KCNQ2: variants seen among roughly 807,000 people sequenced by gnomAD.
The protein encoded by KCNQ2 is potassium voltage-gated channel subfamily Q member 2.
A neutral mutation model predicts 84.8 loss-of-function variants in KCNQ2; 14 were observed. The observed-to-expected ratio is 0.17, with a 90% CI of 0.11 to 0.26. The LOEUF is 0.26. Among genes scored for constraint, KCNQ2 ranks in the 10% least tolerant of loss-of-function variants. The probability of loss-of-function intolerance (pLI) is 1.00; values close to 1 mark genes in which losing one functional copy is unlikely to be tolerated. For missense variants in KCNQ2, 788 were observed against 1,254.0 expected, an observed-to-expected ratio of 0.63 and a Z score of 5.61; for synonymous variants, 599 against 554.1, an observed-to-expected ratio of 1.08 and a Z score of -1.14.
chr20:63,467,323 C>T (rs943075884), intron 1 of KCNQ2, among the ~76,000 whole-genome samples: 1 of 152,228 alleles, frequency 6.6e-6, no homozygotes, highest in African/African-American at 2.4e-5. Flanking sequence ...ATTCATCTCC[C>T]CACACTGGAA....
In KCNQ2 at chr20:63,407,707, G is replaced by A. The variant is rs976364057; in HGVS notation, c.1888-332C>T. On this transcript the variant is annotated intron_variant, in intron 16 of 16. Coordinates refer to ENST00000359125, the MANE Select transcript of KCNQ2 (RefSeq NM_172107.4). This position sits in a 1 kb window ranked among gnomAD's most constrained non-coding sequence, Gnocchi z 7.2. Reference sequence around the variant, plus strand: ...GGACCTGGACCACTCCCAGGAAGTCGGTCGACTTGGGCTGGTCCCAGGAGG... The same window carrying A: ...GGACCTGGACCACTCCCAGGAAGTCAGTCGACTTGGGCTGGTCCCAGGAGG... 1.3e-5 allele frequency among the ~76,000 whole-genome samples: 2 copies of A among 151,360 alleles called. No individual in the cohort carries two copies. Among genetic ancestry groups the A allele is most frequent in the Admixed American group, 6.6e-5 (1 of 15,222 alleles).
Position 63,400,740 on chromosome 20 carries a change from G to A in KCNQ2, c.*5904C>T, listed in dbSNP as rs540854321. ...GGCACACGTGGGCCGTGTGGATCCC[G>A]GGCAGAGGGATGGCGTCCAGCGGGA... On this transcript the variant is annotated 3_prime_UTR_variant, in exon 17 of 17. Transcript: ENST00000359125. The surrounding 1 kb of genome is among the most constrained non-coding windows in gnomAD (Gnocchi z 8.7). The A allele has an allele frequency of 2.7e-4, 108 of 398,508 alleles. No individual in the cohort carries two copies. Among genetic ancestry groups the A allele is most frequent in the African/African-American group, 1.8e-3 (88 of 48,754 alleles). 24.7% of individuals were successfully genotyped at this position (398,508 alleles called of 1,614,324 possible).
intron 1 of KCNQ2, among the ~76,000 whole-genome samples, chr20:63,464,811 C>T (rs568133712): frequency 6.6e-5 from 10 of 152,296 alleles, no homozygotes; most frequent in Middle Eastern, 3.4e-3. Context: ...ACCACAGCCC[C>T]GCGCACAGAC....
At chr20:63,449,751 T>C (rs1450173300) in intron 1 of KCNQ2, among the ~76,000 whole-genome samples, 5 of 150,658 alleles carry the variant, frequency 3.3e-5, no homozygotes, top group East Asian at 1.9e-4. Flanking sequence ...GAAGCCCCAG[T>C]GTCTGCGGCC....
intron 12 of KCNQ2, among the ~76,000 whole-genome samples, chr20:63,417,179 A>T (rs1189382422): frequency 1.3e-5 from 2 of 152,098 alleles, no homozygotes; most frequent in Non-Finnish European, 2.9e-5. Flanking sequence ...CTCTGTCCCA[A>T]CGGCCTCTGG....
At chr20:63,433,643 A>C in intron 8 of KCNQ2, 166 bp downstream of exon 8, 1 of 1,306,648 alleles carries the variant, frequency 7.7e-7, no homozygotes, top group Non-Finnish European at 1.1e-6. Flanking sequence ...CACAAAGGGC[A>C]GAAGCAACGC....
chr20:63,465,984 G>A (rs754212584), intron 1 of KCNQ2, among the ~76,000 whole-genome samples: 30 of 152,222 alleles, frequency 2.0e-4, no homozygotes, highest in Admixed American at 7.2e-4. Flanking sequence ...CGCGGTCTGC[G>A]TGGAAACTAG....
rs1555854850 is a variant in KCNQ2, at chr20:63,415,143, C to CAGACA, written c.1302-18_1302-17insTGTCT. ...ACCTTCTGGCTGCTCCCACGGGAAC[C>CAGACA]GACAGACAGACAGAAAAACAGGGAG... On this transcript the variant is annotated splice_polypyrimidine_tract_variant and intron_variant, in intron 12 of 16. Coordinates refer to ENST00000359125, the MANE Select transcript of KCNQ2 (RefSeq NM_172107.4). 21 of 1,537,882 alleles carry CAGACA rather than the reference C, an allele frequency of 1.4e-5. No homozygotes were observed. The highest frequency in any genetic ancestry group is 2.3e-5 in the East Asian group (1 of 44,120).
intron 4 of KCNQ2, among the ~76,000 whole-genome samples, chr20:63,444,270 G>A (rs146663800): frequency 1.7e-3 from 252 of 152,338 alleles, no homozygotes; most frequent in African/African-American, 5.6e-3. Flanking sequence ...GCCGCAAGCC[G>A]CAGCTTAAAC....
intron 7 of KCNQ2, among the ~76,000 whole-genome samples, chr20:63,435,437 C>A (rs1027563272): frequency 6.6e-6 from 1 of 150,504 alleles, no homozygotes; most frequent in East Asian, 1.9e-4. Flanking sequence ...AGCCTGAAGA[C>A]GGGACTGAAC....
intron 15 of KCNQ2, among the ~76,000 whole-genome samples, chr20:63,409,646 CCCCT>C (rs778227319): frequency 9.9e-5 from 15 of 152,218 alleles, no homozygotes; most frequent in Non-Finnish European, 1.9e-4. Context: ...TCCCAAGTCT[CCCCT>C]GGACTGGGGC....
chr20:63,409,983 G>A (rs1568868064), intron 15 of KCNQ2: 2 of 301,608 alleles, frequency 6.6e-6, no homozygotes, highest in Admixed American at 4.8e-5. Flanking sequence ...GGAGGGGGGA[G>A]GGTGGGCCAG....
chr20:63,436,762 G>A (rs547887321), intron 7 of KCNQ2, among the ~76,000 whole-genome samples: 23 of 150,166 alleles, frequency 1.5e-4, no homozygotes, highest in Non-Finnish European at 2.9e-4. Flanking sequence ...GCTATGGCAT[G>A]GTATAAACAT....
At position 63,414,117 on chromosome 20, in the gene KCNQ2, C is replaced by A; in HGVS notation, c.1602G>T (p.Pro534=). The change falls in exon 14 of 17, where the codon CCG becomes CCT. Residue 534 remains proline, a synonymous_variant. Transcript: ENST00000359125. This position sits in a 1 kb window ranked among gnomAD's most constrained non-coding sequence, Gnocchi z 6.6. The part of the protein sequence containing the change: ...PCEFVTEDLT[P]GLKVSIRAVC... ...CGGCTCTGATGCTGACTTTGAGGCC[C>A]GGGGTCAGGTCCTCGGTCACAAACT... 1 of 1,613,632 alleles carries A rather than the reference C, an allele frequency of 6.2e-7. No homozygotes were observed. The highest frequency in any genetic ancestry group is 8.5e-7 in the Non-Finnish European group (1 of 1,179,936).
At chr20:63,419,791 T>G (rs1263408031) in intron 11 of KCNQ2, 119 bp from the exon 12 acceptor site, 1 of 916,994 alleles carries the variant, frequency 1.1e-6, no homozygotes, top group Non-Finnish European at 1.7e-6. Context: ...GCGGCAGAGC[T>G]TGCGCCCAAG....
At chr20:63,423,911 T>A in intron 11 of KCNQ2, 1 of 463,452 alleles carries the variant, frequency 2.2e-6, no homozygotes. Flanking sequence ...GGGTGGGGGA[T>A]CCCCCACCCC....
intron 1 of KCNQ2, among the ~76,000 whole-genome samples, chr20:63,471,543 G>A (rs1031414404): frequency 1.3e-5 from 2 of 152,140 alleles, no homozygotes; most frequent in Admixed American, 1.3e-4. Flanking sequence ...ATGGGACAGC[G>A]CAGGAGCTGA....
intron 1 of KCNQ2, among the ~76,000 whole-genome samples, chr20:63,455,881 G>A (rs1460208438): frequency 5.0e-5 from 5 of 99,062 alleles, no homozygotes; most frequent in East Asian, 5.7e-4. Context: ...CCCCACCTCC[G>A]GGAGACCCCT....
At chr20:63,428,314 C>A (rs572879723) in intron 10 of KCNQ2, 53 bp downstream of exon 10, 1,270 of 1,400,884 alleles carry the variant, frequency 9.1e-4, no homozygotes, top group Admixed American at 1.4e-3. Flanking sequence ...GCAGCTGGGG[C>A]CCCCAGGAGG....
Sources: gnomAD v4.1 joint callset for allele counts (sites outside exome capture counted in the v4.1 genomes callset) on GRCh38, gnomAD v4.1.1 for gene constraint, Gnocchi (gnomAD v3.1) non-coding constraint, MANE v1.5 for transcripts, NCBI Gene and HGNC (gene_info 2026-07-23, HGNC 2026-07-21) for gene names.